CENPE: variants seen among roughly 807,000 people sequenced by gnomAD.
CENPE encodes the protein centromere protein E, also known as centromere-associated protein E.
CENPE carries 145 observed loss-of-function variants against 336.1 expected under a neutral mutation model. That is an observed-to-expected ratio of 0.43 (90% confidence interval 0.38 to 0.50). CENPE has a LOEUF of 0.50. CENPE is among the 20% of genes least tolerant of loss of function. The pLI is 0.00. For missense variants in CENPE, 2,719 were observed against 3,023.3 expected (o/e 0.90, Z 2.36); for synonymous variants, 1,013 against 984.8 (o/e 1.03, Z -0.54).
chr4:103,114,674 TA>T, intron 45 of CENPE, 122 bp from the exon 46 acceptor site: 1 of 647,222 alleles, frequency 1.5e-6, no homozygotes, highest in Non-Finnish European at 2.7e-6. Flanking sequence ...TAAGTGGCAG[TA>T]GATAAGCCCT....
chr4:103,146,140 T>C lies in CENPE; in HGVS notation c.4135-33A>G, dbSNP rs752661506. On this transcript the variant is annotated intron_variant, in intron 29 of 48. Coordinates refer to ENST00000265148, the MANE Select transcript of CENPE (RefSeq NM_001813.3). ...GAATCATAAAACAGTACAGTTGATA[T>C]CCAGAGATATTGTGTTTTAGGGGAA... is the stretch of plus-strand genomic sequence containing the variant. 9 of 1,581,214 alleles carry C rather than the reference T, an allele frequency of 5.7e-6. No homozygotes were observed. The South Asian group carries it at 9.3e-5, about 16-fold the overall frequency.
intron 46 of CENPE, among the ~76,000 whole-genome samples, chr4:103,112,121 T>C (rs1307544802): frequency 6.6e-6 from 1 of 151,494 alleles, no homozygotes; most frequent in Non-Finnish European, 1.5e-5. Flanking sequence ...CATGTCCATA[T>C]ATATGTGTGA....
intron 6 of CENPE, 81 bp from the exon 7 acceptor site, chr4:103,194,522 G>A: frequency 1.4e-6 from 2 of 1,458,920 alleles, no homozygotes; most frequent in Admixed American, 2.1e-5. Flanking sequence ...ACTTAAAAAA[G>A]TATGATTTGA....
At position 103,147,607 on chromosome 4, in the gene CENPE, C is replaced by T. The variant is rs771685356; in HGVS notation, c.3883G>A (p.Val1295Met). 3 of 1,613,246 alleles carry T rather than the reference C, an allele frequency of 1.9e-6. No individual in the cohort carries two copies. In the African/African-American group the frequency reaches 4.0e-5, roughly 22 times the overall value. ...LHEEQELLPN[V>M]KEVSETQETM... Reference sequence around the variant, plus strand: ...TCCTGAGTCTCACTGACTTCTTTCACATTAGGCAGTAACTCTTGTTCCTCA... The same window carrying T: ...TCCTGAGTCTCACTGACTTCTTTCATATTAGGCAGTAACTCTTGTTCCTCA... The change falls in exon 29 of 49, where the codon GTG (valine) becomes ATG (methionine). Residue 1295 changes from valine to methionine, a missense_variant. By Grantham distance (21) the Val-to-Met change is conservative. Around this residue, in one of 5 missense-constraint regions of CENPE, gnomAD observed 2,437 missense variants for 2,513.3 expected, o/e 0.97. Transcript: ENST00000265148.
intron 40 of CENPE, 150 bp from the exon 41 acceptor site, chr4:103,134,042 C>T (rs1425730081): frequency 1.6e-6 from 1 of 644,164 alleles, no homozygotes; most frequent in Admixed American, 2.9e-5. Context: ...TTCTCTCTAT[C>T]CCCAGTTTTT....
chr4:103,160,956 C>T (rs771123215), intron 20 of CENPE, 130 bp downstream of exon 20: 36 of 935,332 alleles, frequency 3.8e-5, no homozygotes, highest in Middle Eastern at 3.5e-4. Context: ...GAAACTAAAA[C>T]GTAATATTGA....
chr4:103,149,444 T>C (rs766137311), intron 26 of CENPE, 36 bp from the exon 27 acceptor site: 3 of 1,502,570 alleles, frequency 2.0e-6, no homozygotes, highest in Admixed American at 4.6e-5. Context: ...ACCATTTTAC[T>C]TATATTCTCA....
chr4:103,187,295 G>C (rs1756864884), intron 8 of CENPE, among the ~76,000 whole-genome samples: 1 of 152,098 alleles, frequency 6.6e-6, no homozygotes, highest in Non-Finnish European at 1.5e-5. Flanking sequence ...GAAATACAGA[G>C]AATGCCACAA....
At chr4:103,189,996 T>C (rs1366472671) in intron 8 of CENPE, among the ~76,000 whole-genome samples, 1 of 151,980 alleles carries the variant, frequency 6.6e-6, no homozygotes, top group Non-Finnish European at 1.5e-5. Flanking sequence ...TATACACCAA[T>C]AACAGACAAA....
chr4:103,172,695 C>A (rs193109474), intron 16 of CENPE, among the ~76,000 whole-genome samples: 2 of 151,898 alleles, frequency 1.3e-5, no homozygotes, highest in African/African-American at 2.4e-5. Flanking sequence ...TACAGAAAAC[C>A]CTAAGGACTC....
intron 8 of CENPE, among the ~76,000 whole-genome samples, chr4:103,190,778 C>A (rs993988302): frequency 2.6e-5 from 4 of 152,012 alleles, no homozygotes; most frequent in African/African-American, 9.7e-5. Context: ...ACAACAAAAG[C>A]CAAAATTGAC....
At position 103,146,074 on chromosome 4, in the gene CENPE, A is replaced by G; in HGVS notation, c.4168T>C (p.Leu1390=). 4 of 1,613,674 alleles carry G rather than the reference A, an allele frequency of 2.5e-6. No homozygotes were observed. In the South Asian group the frequency reaches 4.4e-5, roughly 18 times the overall value. ...QESQSKQEQS[L]NMKEKDNETT... ...TCATTGTCTTTTTCTTTCATATTTA[A>G]GGACTGTTCTTGTTTGCTTTGAGAC... The change falls in exon 30 of 49, where the codon TTA becomes CTA. Residue 1390 remains leucine (L), a synonymous_variant. Transcript: ENST00000265148.
Position 103,140,281 on chromosome 4 carries a change from T to G in CENPE, c.5888A>C (p.Lys1963Thr). Residue 1963 changes from lysine to threonine, a missense_variant, in exon 37 of 49, where the codon AAA (lysine) becomes ACA (threonine). By Grantham distance (78) the Lys-to-Thr change is moderately conservative (BLOSUM62 -1). This residue lies in a region of CENPE where 2,437 missense variants were observed against 2,513.3 expected (regional missense o/e 0.97). Transcript: ENST00000265148. ...QISDIQKDLD[K>T]SKDELQKKIQ... ...CTTTTTCTGTAATTCATCTTTTGAT[T>G]TATCTAAATCCTTTTGAATGTCTGA... 6.3e-7 allele frequency: 1 copy of G among 1,596,822 alleles called. No homozygotes were observed. The highest frequency in any genetic ancestry group is 8.5e-7 in the Non-Finnish European group (1 of 1,174,480).
chr4:103,180,020 C>G (rs1009675412), intron 13 of CENPE, among the ~76,000 whole-genome samples: 1 of 152,172 alleles, frequency 6.6e-6, no homozygotes, highest in Non-Finnish European at 1.5e-5. Context: ...TCCACATATT[C>G]TAGAAACCTA....
intron 16 of CENPE, among the ~76,000 whole-genome samples, chr4:103,172,816 G>C (rs576104480): frequency 2.6e-5 from 4 of 151,854 alleles, no homozygotes; most frequent in Non-Finnish European, 5.9e-5. Context: ...CCAAGGAGGT[G>C]TCAGATCTCT....
intron 2 of CENPE, 105 bp from the exon 3 acceptor site, chr4:103,196,357 T>C (rs1757733061): frequency 1.1e-6 from 1 of 871,562 alleles, no homozygotes; most frequent in East Asian, 2.6e-5. Flanking sequence ...ACTGTCAGAA[T>C]GTAGGATGAT....
intron 1 of CENPE, among the ~76,000 whole-genome samples, chr4:103,197,909 T>G (rs1354841198): frequency 6.6e-6 from 1 of 152,136 alleles, no homozygotes. Context: ...AGCAGTTAGG[T>G]GTAAAATGAC....
chr4:103,139,721 T>G lies in CENPE; in HGVS notation c.6204+68A>C, dbSNP rs1752374438. On this transcript the variant is annotated intron_variant, in intron 38 of 48. Coordinates refer to ENST00000265148, the MANE Select transcript of CENPE (RefSeq NM_001813.3). Reference sequence around the variant, plus strand: ...TTTCCAGAGAAAGAAATAAAAACATTGTAATTCTTTTCAAAAAAGCTTAAT... The same window carrying G: ...TTTCCAGAGAAAGAAATAAAAACATGGTAATTCTTTTCAAAAAAGCTTAAT... 3.0e-6 allele frequency: 4 copies of G among 1,355,078 alleles called. No individual in the cohort carries two copies. In the East Asian group the frequency reaches 9.3e-5, roughly 32 times the overall value. The allele number at this position is 1,355,078 out of a possible 1,614,324, so 83.9% of individuals were successfully genotyped here.
intron 34 of CENPE, 53 bp downstream of exon 34, chr4:103,143,195 C>G (rs1193837188): frequency 3.0e-6 from 4 of 1,327,564 alleles, no homozygotes; most frequent in Non-Finnish European, 1.0e-6. Context: ...TTTCATTACA[C>G]AAAAAGTTTG....
Sources: allele counts gnomAD v4.1 joint callset (sites outside exome capture counted in the v4.1 genomes callset), GRCh38; gene constraint gnomAD v4.1.1; regional missense constraint gnomAD v4.1.1; transcripts MANE v1.5; gene names NCBI Gene and HGNC (gene_info 2026-07-23, HGNC 2026-07-21).